TOX2: variants seen among roughly 807,000 people sequenced by gnomAD.
TOX2 encodes granulosa cell HMG box 1.
TOX2 carries 15 observed loss-of-function variants against 47.4 expected under a neutral mutation model. The ratio of observed to expected loss-of-function variants is 0.32; its 90% CI spans 0.21 to 0.49. TOX2 has a LOEUF of 0.49. TOX2 is among the 20% of genes least tolerant of loss of function. The pLI is 0.99. For synonymous variants in TOX2, 290 were observed against 296.6 expected (o/e 0.98, Z 0.23); for missense variants, 622 against 673.1 (o/e 0.92, Z 0.84).
intron 2 of TOX2, among the ~76,000 whole-genome samples, chr20:43,978,165 A>G (rs74493635): frequency 0.039 from 5,878 of 152,218 alleles, 359 homozygotes; most frequent in African/African-American, 0.12. Context: ...AACTATTCAC[A>G]GCTACTCTTT....
intron 3 of TOX2, among the ~76,000 whole-genome samples, chr20:44,022,872 G>T (rs1373798595): frequency 6.6e-6 from 1 of 152,170 alleles, no homozygotes; most frequent in Non-Finnish European, 1.5e-5. Flanking sequence ...GGTCCTCAGT[G>T]TGTTTCTATC....
intron 3 of TOX2, among the ~76,000 whole-genome samples, chr20:44,015,050 CA>C (rs1569097431): frequency 1.3e-5 from 2 of 152,102 alleles, no homozygotes; most frequent in African/African-American, 4.8e-5. Context: ...AGGGGGTTAC[CA>C]GGGGCACCTC....
chr20:43,988,246 A>ATG (rs1274849294), intron 2 of TOX2, among the ~76,000 whole-genome samples: 3 of 151,912 alleles, frequency 2.0e-5, no homozygotes, highest in African/African-American at 4.8e-5. Context: ...GCACATGCAT[A>ATG]TGTGTGTGTG....
At chr20:44,064,665 C>T (rs2071777909) in intron 5 of TOX2, 112 bp from the exon 6 acceptor site, 8 of 1,012,898 alleles carry the variant, frequency 7.9e-6, no homozygotes, top group Admixed American at 2.1e-5. Context: ...TCTGACCCCA[C>T]CACCCTCGTC....
At chr20:43,924,801 T>C (rs2069147183) in intron 1 of TOX2, among the ~76,000 whole-genome samples, 1 of 152,226 alleles carries the variant, frequency 6.6e-6, no homozygotes, top group African/African-American at 2.4e-5. Context: ...TTGCTCTTTG[T>C]AAGACACACA....
chr20:43,973,102 G>A (rs2070005881), intron 1 of TOX2, among the ~76,000 whole-genome samples: 1 of 152,246 alleles, frequency 6.6e-6, no homozygotes, highest in Non-Finnish European at 1.5e-5. Flanking sequence ...AAGTTATAGA[G>A]GGCAGAAAGG....
intron 4 of TOX2, 94 bp downstream of exon 4, chr20:44,051,639 G>T (rs2071514167): frequency 6.8e-7 from 1 of 1,479,942 alleles, no homozygotes; most frequent in African/African-American, 1.4e-5. Context: ...CTCTAGTAAA[G>T]ACTAGAAAAG....
At chr20:43,987,357 C>G (rs2070284540) in intron 2 of TOX2, among the ~76,000 whole-genome samples, 1 of 152,076 alleles carries the variant, frequency 6.6e-6, no homozygotes, top group Admixed American at 6.5e-5. Context: ...TTGCAGTTAC[C>G]CTAGAGGGGG....
intron 1 of TOX2, among the ~76,000 whole-genome samples, chr20:43,933,518 G>A (rs1464961628): frequency 6.7e-6 from 1 of 150,294 alleles, no homozygotes; most frequent in African/African-American, 2.4e-5. Flanking sequence ...CATGCTTTGA[G>A]AATCAAGGCG....
chr20:44,034,140 G>T (rs1391877744), intron 3 of TOX2, among the ~76,000 whole-genome samples: 1 of 152,004 alleles, frequency 6.6e-6, no homozygotes, highest in Non-Finnish European at 1.5e-5. Context: ...AGAGCTCATC[G>T]CACTGGCCCA....
Position 43,916,103 on chromosome 20 carries a change from G to A in TOX2, c.99+1113G>A, listed in dbSNP as rs771629258. 7.1e-6 allele frequency: 7 copies of A among 985,014 alleles called. No individual in the cohort carries two copies. The highest frequency in any genetic ancestry group is 9.4e-5 in the South Asian group (2 of 21,292). 61.0% of individuals were successfully genotyped at this position (985,014 alleles called of 1,614,324 possible). A position where few individuals can be genotyped will look rare whatever the true frequency, so the allele number is the denominator to read the frequency against. On this transcript the variant is annotated intron_variant, in intron 1 of 8. Coordinates refer to ENST00000341197, the MANE Select transcript of TOX2 (RefSeq NM_001098797.2). This position sits in a 1 kb window ranked among gnomAD's most constrained non-coding sequence, Gnocchi z 5.0. ...CCAGTCGGTGCGTCGGTCCCGGGCC[G>A]GCTGGAGCCAAGCGCGGGTTTTCGT... is the stretch of plus-strand genomic sequence containing the variant.
In TOX2 at chr20:43,916,880, C is replaced by G. The variant is rs531160933; in HGVS notation, c.99+1890C>G. 2.6e-5 allele frequency among the ~76,000 whole-genome samples: 4 copies of G among 152,296 alleles called. No individual in the cohort carries two copies. The East Asian group carries it at 7.7e-4, about 29-fold the overall frequency. On this transcript the variant is annotated intron_variant, in intron 1 of 8. Transcript: ENST00000341197. This position sits in a 1 kb window ranked among gnomAD's most constrained non-coding sequence, Gnocchi z 5.0. ...AGGGGCCTTTGGAGGCAGGACTCAG[C>G]CGAGGCCCCTGCTTTATTCTGATGC...
At chr20:44,005,134 A>G (rs1318313941) in intron 2 of TOX2, among the ~76,000 whole-genome samples, 1 of 152,184 alleles carries the variant, frequency 6.6e-6, no homozygotes, top group Non-Finnish European at 1.5e-5. Flanking sequence ...TTACCTTTAT[A>G]TTTACCAATG....
chr20:44,064,926 G>A, intron 6 of TOX2, 69 bp downstream of exon 6: 2 of 1,485,628 alleles, frequency 1.3e-6, no homozygotes, highest in Non-Finnish European at 1.9e-6. Context: ...AGCAAGAACT[G>A]GGGCCCGTGG....
chr20:43,948,687 C>T (rs2069510201), intron 1 of TOX2, among the ~76,000 whole-genome samples: 1 of 152,226 alleles, frequency 6.6e-6, no homozygotes, highest in Non-Finnish European at 1.5e-5. Flanking sequence ...GAGCTGCCAT[C>T]TCCGTCTAGC....
intron 1 of TOX2, among the ~76,000 whole-genome samples, chr20:43,941,488 A>G (rs1003700053): frequency 1.3e-5 from 2 of 151,970 alleles, no homozygotes; most frequent in Non-Finnish European, 2.9e-5. Context: ...ATGTGCCACC[A>G]CACCTGGCTA....
intron 5 of TOX2, among the ~76,000 whole-genome samples, chr20:44,060,917 A>G (rs2071705581): frequency 6.6e-6 from 1 of 152,204 alleles, no homozygotes; most frequent in Non-Finnish European, 1.5e-5. Context: ...TCAGAGCAGA[A>G]CTAAATGAAA....
chr20:43,969,495 T>C (rs1400347392), intron 1 of TOX2, among the ~76,000 whole-genome samples: 1 of 152,164 alleles, frequency 6.6e-6, no homozygotes, highest in African/African-American at 2.4e-5. Context: ...AGGTCCCAAA[T>C]GAGGAGGGGG....
intron 5 of TOX2, among the ~76,000 whole-genome samples, chr20:44,062,415 T>TAAAA (rs2071737691): frequency 6.7e-6 from 1 of 150,236 alleles, no homozygotes; most frequent in Non-Finnish European, 1.5e-5. Context: ...AATGAATAAA[T>TAAAA]AAAATACTTA....
Sources: gnomAD v4.1 joint callset for allele counts (sites outside exome capture counted in the v4.1 genomes callset) on GRCh38, gnomAD v4.1.1 for gene constraint, Gnocchi (gnomAD v3.1) non-coding constraint, MANE v1.5 for transcripts, NCBI Gene and HGNC (gene_info 2026-07-23, HGNC 2026-07-21) for gene names.